PCYT2: variants seen among roughly 807,000 people sequenced by gnomAD.
PCYT2 encodes the protein ethanolamine-phosphate cytidylyltransferase.
In PCYT2, 33 loss-of-function variants were observed where a neutral mutation model predicts 50.0. The ratio of observed to expected loss-of-function variants is 0.66; its 90% CI spans 0.50 to 0.88. The LOEUF is 0.88. Among genes scored for constraint, PCYT2 ranks in the 40% least tolerant of loss-of-function variants. The pLI, the probability that PCYT2 is intolerant of heterozygous loss-of-function variation, is 0.00. For missense variants in PCYT2, 430 were observed against 519.7 expected (o/e 0.83, Z 1.68); for synonymous variants, 240 against 203.7 (o/e 1.18, Z -1.52).
At chr17:81,909,710 T>C (rs2040472428) in intron 1 of PCYT2, 108 bp from the exon 2 acceptor site, 2 of 799,166 alleles carry the variant, frequency 2.5e-6, no homozygotes, top group Admixed American at 1.8e-5. Flanking sequence ...TAGGAAGCGC[T>C]CTGAGAAGCT....
chr17:81,909,481 G>A (rs1442951822), intron 2 of PCYT2, 33 bp downstream of exon 2: 2 of 1,579,290 alleles, frequency 1.3e-6, no homozygotes, highest in Non-Finnish European at 1.7e-6. Flanking sequence ...GAGGGCTGGG[G>A]GGCCGCGGGT....
At chr17:81,909,202 C>A in intron 2 of PCYT2, 165 bp from the exon 3 acceptor site, 1 of 1,441,728 alleles carries the variant, frequency 6.9e-7, no homozygotes. Flanking sequence ...CTGGGTGGCT[C>A]TCTTCCCTGC....
chr17:81,910,163 G>A (rs1252647857), intron 1 of PCYT2, among the ~76,000 whole-genome samples: 1 of 152,220 alleles, frequency 6.6e-6, no homozygotes, highest in Non-Finnish European at 1.5e-5. Flanking sequence ...AACAGCCACT[G>A]CCTTGCCACC....
chr17:81,911,190 C>A, intron 1 of PCYT2, 77 bp downstream of exon 1: 1 of 1,017,424 alleles, frequency 9.8e-7, no homozygotes, highest in Non-Finnish European at 1.2e-6. Context: ...GCCCGGTCCC[C>A]GGGCAACGGC....
At chr17:81,905,516 C>G (rs1004847303) in intron 10 of PCYT2, 69 bp from the exon 11 acceptor site, 1 of 1,490,302 alleles carries the variant, frequency 6.7e-7, no homozygotes, top group Admixed American at 1.9e-5. Flanking sequence ...CAGCCCAGCA[C>G]AGGCCCCGGG....
At chr17:81,905,538 C>T (rs1335123913) in intron 10 of PCYT2, 91 bp from the exon 11 acceptor site, 1 of 1,440,350 alleles carries the variant, frequency 6.9e-7, no homozygotes, top group Non-Finnish European at 9.6e-7. Context: ...GTTGGGAGAG[C>T]TGACCCTGCC....
At chr17:81,905,480 G>C in intron 10 of PCYT2, 33 bp from the exon 11 acceptor site, 13 of 1,554,058 alleles carry the variant, frequency 8.4e-6, no homozygotes, top group Non-Finnish European at 1.0e-5. Context: ...AGCCCTCCCC[G>C]GGGAGGCAGC....
In PCYT2 at chr17:81,902,335, C is replaced by T; in HGVS notation, c.*2498G>A. ...CCTGGCGCTGTGCCTGCTGCTGGCG[C>T]CGCCTGGCCTCGCGTGGTACAAGCC... is the stretch of plus-strand genomic sequence containing the variant. On this transcript the variant is annotated 3_prime_UTR_variant, in exon 13 of 13. Transcript: ENST00000538936. 2 of 1,340,678 alleles carry T rather than the reference C, an allele frequency of 1.5e-6. No individual in the cohort carries two copies. The highest frequency in any genetic ancestry group is 1.9e-6 in the Non-Finnish European group (2 of 1,053,340). The allele number at this position is 1,340,678 out of a possible 1,614,324, so 83.0% of individuals were successfully genotyped here.
At position 81,902,544 on chromosome 17, in the gene PCYT2, G is replaced by A. The variant is rs1433177103; in HGVS notation, c.*2289C>T. 15 of 1,481,058 alleles carry A rather than the reference G, an allele frequency of 1.0e-5. No homozygotes were observed. In the East Asian group the frequency reaches 3.1e-4, roughly 30 times the overall value. 91.7% of individuals were successfully genotyped at this position (1,481,058 alleles called of 1,614,324 possible). On this transcript the variant is annotated 3_prime_UTR_variant, in exon 13 of 13. Transcript: ENST00000538936. ...GGAGCCTCGTGAGTCCGGCGTGCCG[G>A]GGACTGATGGGGGGCGGCGGCAGGA...
In PCYT2 at chr17:81,906,164, T is replaced by C; in HGVS notation, c.773A>G (p.Tyr258Cys). The change falls in exon 9 of 13, where the codon TAC becomes TGC. Residue 258 changes from tyrosine (Y) to cysteine (C), a missense_variant. Tyr to Cys is a radical substitution (Grantham distance 194). Transcript: ENST00000538936. Reference sequence around the variant, plus strand: ...CATGATGGGGTAGTTCTTCCCCTTGTAGTGATTGACCTCCTGCGGCCAGAG... The same window carrying C: ...CATGATGGGGTAGTTCTTCCCCTTGCAGTGATTGACCTCCTGCGGCCAGAG... ...GLHFDQEVNH[Y>C]KGKNYPIMNL... 2 of 1,612,288 alleles carry C rather than the reference T, an allele frequency of 1.2e-6. No homozygotes were observed. Among genetic ancestry groups the C allele is most frequent in the Non-Finnish European group, 1.7e-6 (2 of 1,179,124 alleles).
intron 3 of PCYT2, 53 bp from the exon 4 acceptor site, chr17:81,908,687 T>G: frequency 6.6e-7 from 1 of 1,512,512 alleles, no homozygotes; most frequent in Non-Finnish European, 9.2e-7. Context: ...CACCAGAACC[T>G]TCAGAGCCCA....
chr17:81,906,245 T>A, intron 8 of PCYT2, 68 bp from the exon 9 acceptor site: 1 of 1,400,284 alleles, frequency 7.1e-7, no homozygotes, highest in Non-Finnish European at 9.8e-7. Flanking sequence ...CCCTCCCGGC[T>A]GTCCCTCATG....
chr17:81,907,726 CTG>C, intron 5 of PCYT2, 45 bp downstream of exon 5: 1 of 1,602,260 alleles, frequency 6.2e-7, no homozygotes, highest in Non-Finnish European at 8.5e-7. Context: ...CTCCTTTCCC[CTG>C]GAGACCTCGA....
At position 81,905,122 on chromosome 17, in the gene PCYT2, A is replaced by T. The variant is rs2040180643; in HGVS notation, c.1002T>A (p.Ile334=). The change falls in exon 12 of 13, where the codon ATT becomes ATA. Residue 334 remains isoleucine, a synonymous_variant. Transcript: ENST00000538936. ...CTGTGGTGAGGTTGCTGCCACTGTC[A>T]ATCTGACGGAAGATGCCCCTTCTCT... The part of the protein sequence containing the change: ...EPKRRGIFRQ[I]DSGSNLTTDL... 4 of 1,613,232 alleles carry T rather than the reference A, an allele frequency of 2.5e-6. No homozygotes were observed. In the African/African-American group the frequency reaches 4.0e-5, roughly 16 times the overall value.
intron 10 of PCYT2, 76 bp from the exon 11 acceptor site, chr17:81,905,523 CG>C: frequency 6.8e-7 from 1 of 1,479,108 alleles, no homozygotes; most frequent in Non-Finnish European, 9.3e-7. Flanking sequence ...GCACAGGCCC[CG>C]GGGGTTGGGA....
At chr17:81,908,721 C>T in intron 3 of PCYT2, 87 bp from the exon 4 acceptor site, 1 of 1,353,902 alleles carries the variant, frequency 7.4e-7, no homozygotes, top group Non-Finnish European at 1.0e-6. Context: ...CCCTGGCCTG[C>T]CCTAGTGTCC....
At position 81,911,241 on chromosome 17, in the gene PCYT2, G is replaced by C. The variant is rs1488865413; in HGVS notation, c.89+26C>G. ...GAAGGAAGCCGGCCCCGGCGCCCCC[G>C]CGGCCCGCCCCGGCCCCGCGCTCAC... On this transcript the variant is annotated intron_variant, in intron 1 of 12. Transcript: ENST00000538936. The C allele has an allele frequency of 1.1e-4, 111 of 1,032,264 alleles. No individual in the cohort carries two copies. In the African/African-American group the frequency reaches 1.8e-3, roughly 17 times the overall value. 63.9% of individuals were successfully genotyped at this position (1,032,264 alleles called of 1,614,324 possible).
Position 81,909,610 on chromosome 17 carries a change from G to A in PCYT2, c.90-8C>T, listed in dbSNP as rs1199419723. 5.6e-6 allele frequency: 9 copies of A among 1,611,208 alleles called. No individual in the cohort carries two copies. The highest frequency in any genetic ancestry group is 1.1e-5 in the South Asian group (1 of 91,024). On this transcript the variant is annotated splice_region_variant and splice_polypyrimidine_tract_variant and intron_variant, in intron 1 of 12. Transcript: ENST00000538936. ...TAATGCACCATGTCATAGCTGTGGA[G>A]ACAGAGAGAGTGGGTGGTCCCTGTG...
rs1412114207 is a variant in PCYT2 at position 81,902,457 on chromosome 17, A to T, written c.*2376T>A. ...ACGCGCGGCGCTCCCAGCCCTACAG[A>T]GGGGCGGAACCCCCGGGCGGGGCCG... On this transcript the variant is annotated 3_prime_UTR_variant, in exon 13 of 13. Transcript: ENST00000538936. 14 of 1,385,190 alleles carry T rather than the reference A, an allele frequency of 1.0e-5. No individual in the cohort carries two copies. Among genetic ancestry groups the T allele is most frequent in the East Asian group, 9.0e-5 (3 of 33,308 alleles). 85.8% of individuals were successfully genotyped at this position (1,385,190 alleles called of 1,614,324 possible).
Sources: allele counts gnomAD v4.1 joint callset (sites outside exome capture counted in the v4.1 genomes callset), GRCh38; gene constraint gnomAD v4.1.1; transcripts MANE v1.5; gene names NCBI Gene and HGNC (gene_info 2026-07-23, HGNC 2026-07-21).